Variants in DCLK1 observed in about 807,000 individuals in gnomAD.
The protein encoded by DCLK1 is serine/threonine-protein kinase DCLK1.
In DCLK1, 16 loss-of-function variants were observed where a neutral mutation model predicts 86.2. That is an observed-to-expected ratio of 0.19 (90% CI 0.13 to 0.28). DCLK1 has a LOEUF of 0.28. Ranked by LOEUF, DCLK1 falls within the 10% of genes least tolerant of loss-of-function variation. The pLI, the probability that DCLK1 is intolerant of heterozygous loss-of-function variation, is 1.00. For missense variants in DCLK1, 590 were observed against 940.2 expected (o/e 0.63, Z 4.87); for synonymous variants, 369 against 370.5 (o/e 1.00, Z 0.05).
At chr13:35,958,229 A>C (rs1181872563) in intron 3 of DCLK1, among the ~76,000 whole-genome samples, 17 of 147,274 alleles carry the variant, frequency 1.2e-4, no homozygotes, top group Admixed American at 2.7e-4. Flanking sequence ...CCACCACTAT[A>C]ACCACCATCA....
At chr13:36,073,652 A>G (rs891195550) in intron 3 of DCLK1, among the ~76,000 whole-genome samples, 1 of 152,196 alleles carries the variant, frequency 6.6e-6, no homozygotes, top group African/African-American at 2.4e-5. Flanking sequence ...ACCTGCTGTA[A>G]CACAAATCAG....
chr13:35,793,094 A>G (rs2086735754), intron 16 of DCLK1, among the ~76,000 whole-genome samples: 4 of 152,030 alleles, frequency 2.6e-5, no homozygotes, highest in Admixed American at 2.6e-4. Context: ...AGCATGGGGG[A>G]GGTTTTCGGT....
intron 3 of DCLK1, among the ~76,000 whole-genome samples, chr13:36,106,323 A>C (rs1885395399): frequency 1.3e-5 from 2 of 152,202 alleles, no homozygotes; most frequent in Non-Finnish European, 2.9e-5. Context: ...AGTACATTCT[A>C]TTCTGAACAC....
chr13:35,830,395 C>A (rs1054584397), intron 8 of DCLK1, among the ~76,000 whole-genome samples: 2 of 151,982 alleles, frequency 1.3e-5, no homozygotes, highest in East Asian at 3.9e-4. Flanking sequence ...AATGTAAGAG[C>A]AAACATAAAT....
intron 4 of DCLK1, among the ~76,000 whole-genome samples, chr13:35,902,499 G>C (rs941685428): frequency 6.6e-6 from 1 of 152,138 alleles, no homozygotes; most frequent in Non-Finnish European, 1.5e-5. Flanking sequence ...GGTGATTTGC[G>C]GGCAGAAGCA....
intron 4 of DCLK1, among the ~76,000 whole-genome samples, chr13:35,914,332 AATATATATATATATATACAT>A (rs1566600152): frequency 5.4e-5 from 4 of 74,068 alleles, no homozygotes; most frequent in Non-Finnish European, 9.9e-5. Flanking sequence ...AAAAAAAAAA[AATATATATATATATATACAT>A]ATATATATAT....
chr13:36,002,024 TA>T (rs76219487), intron 3 of DCLK1, among the ~76,000 whole-genome samples: 17,504 of 149,954 alleles, frequency 0.12, 1,408 homozygotes, highest in African/African-American at 0.23. Flanking sequence ...GAAGTTGGGT[TA>T]AAAAAAAAAT....
intron 4 of DCLK1, among the ~76,000 whole-genome samples, chr13:35,897,987 A>G (rs1175010255): frequency 6.6e-6 from 1 of 152,234 alleles, no homozygotes; most frequent in Non-Finnish European, 1.5e-5. Flanking sequence ...TTAATATTGT[A>G]GGTCTTCAAA....
chr13:35,917,554 A>G (rs1416017931), intron 4 of DCLK1, among the ~76,000 whole-genome samples: 1 of 152,218 alleles, frequency 6.6e-6, no homozygotes, highest in East Asian at 1.9e-4. Flanking sequence ...CAAAGCCTCA[A>G]GGAGGAAGAA....
At chr13:36,046,118 C>G (rs757885797) in intron 3 of DCLK1, among the ~76,000 whole-genome samples, 1 of 151,964 alleles carries the variant, frequency 6.6e-6, no homozygotes, top group East Asian at 1.9e-4. Flanking sequence ...GTTATGAGAA[C>G]TGGTTAGGAT....
chr13:35,928,450 C>T (rs769074102), intron 4 of DCLK1, among the ~76,000 whole-genome samples: 8 of 152,180 alleles, frequency 5.3e-5, no homozygotes, highest in Non-Finnish European at 8.8e-5. Context: ...CAAGTCTTTG[C>T]TCAAATGTCA....
At chr13:36,043,993 T>C (rs913292915) in intron 3 of DCLK1, among the ~76,000 whole-genome samples, 1 of 152,116 alleles carries the variant, frequency 6.6e-6, no homozygotes, top group Non-Finnish European at 1.5e-5. Context: ...TGAAATCTGA[T>C]CCCCCATGTT....
intron 4 of DCLK1, among the ~76,000 whole-genome samples, chr13:35,919,263 C>A (rs1875638413): frequency 6.6e-6 from 1 of 151,888 alleles, no homozygotes; most frequent in African/African-American, 2.4e-5. Context: ...CATTCTGGAG[C>A]TAGCAGATTC....
chr13:35,975,447 C>T (rs1411593399), intron 3 of DCLK1, among the ~76,000 whole-genome samples: 3 of 152,122 alleles, frequency 2.0e-5, no homozygotes, highest in Non-Finnish European at 4.4e-5. Context: ...CACTGAGGGT[C>T]CACTCCCTGT....
intron 5 of DCLK1, among the ~76,000 whole-genome samples, chr13:35,861,563 A>G (rs372683053): frequency 2.0e-4 from 30 of 152,294 alleles, no homozygotes; most frequent in African/African-American, 6.5e-4. Context: ...CATAGGCCAC[A>G]GTGGTGTCCT....
intron 3 of DCLK1, among the ~76,000 whole-genome samples, chr13:35,993,503 C>T (rs1057182690): frequency 1.3e-5 from 2 of 152,106 alleles, no homozygotes; most frequent in East Asian, 1.9e-4. Flanking sequence ...ACAGGAAAAG[C>T]ACTGGACGTA....
chr13:35,947,244 G>T (rs1877435151), intron 4 of DCLK1, 114 bp downstream of exon 4: 3 of 657,094 alleles, frequency 4.6e-6, no homozygotes, highest in Non-Finnish European at 7.8e-6. Flanking sequence ...CACGCTGGGT[G>T]AGGATCTGAA....
At chr13:36,115,759 A>G (rs1271633041) in intron 2 of DCLK1, among the ~76,000 whole-genome samples, 1 of 151,574 alleles carries the variant, frequency 6.6e-6, no homozygotes, top group Non-Finnish European at 1.5e-5. Context: ...AAGTAAGGAA[A>G]TAAGCATGAA....
chr13:35,913,810 C>T (rs575945956), intron 4 of DCLK1, among the ~76,000 whole-genome samples: 18 of 152,080 alleles, frequency 1.2e-4, no homozygotes, highest in South Asian at 4.2e-4. Context: ...ACAGAAGTTA[C>T]GGAAGCATAA....
Sources: gnomAD v4.1 joint callset for allele counts (sites outside exome capture counted in the v4.1 genomes callset) on GRCh38, gnomAD v4.1.1 for gene constraint, MANE v1.5 for transcripts, NCBI Gene and HGNC (gene_info 2026-07-23, HGNC 2026-07-21) for gene names.